BCL11B: variants seen among roughly 807,000 people sequenced by gnomAD.
The protein encoded by BCL11B is BCL11 transcription factor B, also known as B-cell lymphoma/leukemia 11B.
A neutral mutation model predicts 49.9 loss-of-function variants in BCL11B; 8 were observed. That is an observed-to-expected ratio of 0.16 (90% CI 0.09 to 0.29). The LOEUF (loss-of-function observed/expected upper bound fraction) is 0.29, where lower values mean the gene tolerates loss of function less well. Among genes scored for constraint, BCL11B ranks in the 10% least tolerant of loss-of-function variants. The pLI is 1.00. For missense variants in BCL11B, 1,006 were observed against 1,351.0 expected (o/e 0.74, Z 4.00); for synonymous variants, 739 against 637.4 (o/e 1.16, Z -2.40).
At chr14:99,221,288 G>A (rs986188356) in intron 3 of BCL11B, among the ~76,000 whole-genome samples, 2 of 152,168 alleles carry the variant, frequency 1.3e-5, no homozygotes, top group Non-Finnish European at 2.9e-5. Context: ...CGCACCCAGT[G>A]GGCCTTGCCC....
chr14:99,262,235 T>A lies in BCL11B; in HGVS notation c.59-4396A>T, dbSNP rs950026478. The stretch of plus-strand genomic sequence containing the variant: ...CAAGGACCCCGCCCTCCCTGGCCCA[T>A]CTCTAACAACTGCCCATGCACCTGC... On this transcript the variant is annotated intron_variant, in intron 1 of 3. Coordinates refer to ENST00000357195, the MANE Select transcript of BCL11B (RefSeq NM_138576.4). This position sits in a 1 kb window ranked among gnomAD's most constrained non-coding sequence, Gnocchi z 4.2. Among the ~76,000 whole-genome samples the A allele has an allele frequency of 2.0e-5, 3 of 152,114 alleles. No homozygotes were observed. Among genetic ancestry groups the A allele is most frequent in the Non-Finnish European group, 4.4e-5 (3 of 68,018 alleles).
chr14:99,269,591 C>T (rs1279984541), intron 1 of BCL11B, among the ~76,000 whole-genome samples: 1 of 150,586 alleles, frequency 6.6e-6, no homozygotes, highest in Non-Finnish European at 1.5e-5. Context: ...GGAGAGATGG[C>T]AACAGCAATT....
rs1018304779 is a variant in BCL11B, at chr14:99,172,053, T to C, written c.*2098A>G. ...TTAAGCAAACTTTGAAAAAAAAAGA[T>C]CGCTCCAACACACATACACACAATT... On this transcript the variant is annotated 3_prime_UTR_variant, in exon 4 of 4. Coordinates refer to ENST00000357195, the MANE Select transcript of BCL11B (RefSeq NM_138576.4). 9.3e-6 allele frequency: 2 copies of C among 215,598 alleles called. No homozygotes were observed. The highest frequency in any genetic ancestry group is 2.3e-5 in the African/African-American group (1 of 44,238). 13.4% of individuals were successfully genotyped at this position (215,598 alleles called of 1,614,324 possible).
At chr14:99,245,815 C>G (rs941874659) in intron 2 of BCL11B, among the ~76,000 whole-genome samples, 2 of 152,078 alleles carry the variant, frequency 1.3e-5, no homozygotes, top group African/African-American at 4.8e-5. Flanking sequence ...CAAAGGGGCC[C>G]GGGGCCGGCA....
At position 99,232,638 on chromosome 14, in the gene BCL11B, C is replaced by T. The variant is rs1002192002; in HGVS notation, c.428-1081G>A. ...AGGAGAGCCACAGGACCCTGCAAGCCACCAGGAGCCAGGAGCCTGTCAGTC... is the reference window on the plus strand; with the variant it reads ...AGGAGAGCCACAGGACCCTGCAAGCTACCAGGAGCCAGGAGCCTGTCAGTC... On this transcript the variant is annotated intron_variant, in intron 2 of 3. Coordinates refer to ENST00000357195, the MANE Select transcript of BCL11B (RefSeq NM_138576.4). The surrounding 1 kb of genome is among the most constrained non-coding windows in gnomAD (Gnocchi z 5.1). 6.6e-6 allele frequency among the ~76,000 whole-genome samples: 1 copy of T among 152,212 alleles called. No homozygotes were observed. Among genetic ancestry groups the T allele is most frequent in the Non-Finnish European group, 1.5e-5 (1 of 68,032 alleles).
At chr14:99,200,447 C>A (rs1887344908) in intron 3 of BCL11B, among the ~76,000 whole-genome samples, 1 of 152,256 alleles carries the variant, frequency 6.6e-6, no homozygotes, top group Non-Finnish European at 1.5e-5. Context: ...CAGGCACAGG[C>A]ACAGTTGGCC....
intron 2 of BCL11B, among the ~76,000 whole-genome samples, chr14:99,251,557 G>T (rs2139939837): frequency 6.6e-6 from 1 of 152,278 alleles, no homozygotes. Flanking sequence ...TAAAATAAAA[G>T]AAATAATCAT....
At position 99,199,696 on chromosome 14, in the gene BCL11B, G is replaced by GCGCGCA. The variant is rs1555378702; in HGVS notation, c.641-23502_641-23501insTGCGCG. Reference sequence around the variant, plus strand: ...TGTGTGTGTGTGTGCGCGCGCGCGCGCACGTGCACGTGTGTGCGTGTGTGC... The same window carrying GCGCGCA: ...TGTGTGTGTGTGTGCGCGCGCGCGCGCGCGCACACGTGCACGTGTGTGCGTGTGTGC... On this transcript the variant is annotated intron_variant, in intron 3 of 3. Coordinates refer to ENST00000357195, the MANE Select transcript of BCL11B (RefSeq NM_138576.4). 8.7e-4 allele frequency among the ~76,000 whole-genome samples: 68 copies of GCGCGCA among 77,940 alleles called. 1 individual carries two copies. Among genetic ancestry groups the GCGCGCA allele is most frequent in the Middle Eastern group, 6.9e-3 (1 of 144 alleles). The allele number at this position is 77,940 out of a possible 152,430, so 51.1% of individuals were successfully genotyped here.
intron 3 of BCL11B, among the ~76,000 whole-genome samples, chr14:99,208,336 C>T (rs17098399): frequency 0.041 from 6,227 of 152,214 alleles, 646 homozygotes; most frequent in East Asian, 0.33. Flanking sequence ...CCCTGAGCCC[C>T]AGATCCCAGG....
At chr14:99,258,516 C>T (rs1314017206) in intron 1 of BCL11B, among the ~76,000 whole-genome samples, 2 of 152,124 alleles carry the variant, frequency 1.3e-5, no homozygotes, top group Non-Finnish European at 2.9e-5. Flanking sequence ...CCCAGATGGG[C>T]GTCTAAGGGC....
rs192475469 is a variant in BCL11B at position 99,179,767 on chromosome 14, C to T, written c.641-3572G>A. ...AAAAATCACCCAGCCCTCAGAGGCC[C>T]GCCCTAGACAACTTTCTTTCCAGTC... is the stretch of plus-strand genomic sequence containing the variant. On this transcript the variant is annotated intron_variant, in intron 3 of 3. Coordinates refer to ENST00000357195, the MANE Select transcript of BCL11B (RefSeq NM_138576.4). Among the ~76,000 whole-genome samples, 174 of 152,222 alleles carry T rather than the reference C, an allele frequency of 1.1e-3. 1 individual carries two copies. The highest frequency in any genetic ancestry group is 4.0e-3 in the African/African-American group (165 of 41,540).
At chr14:99,176,324 G>A in intron 3 of BCL11B, 129 bp from the exon 4 acceptor site, 1 of 842,688 alleles carries the variant, frequency 1.2e-6, no homozygotes, top group Non-Finnish European at 1.8e-6. Context: ...CTGCCTGACA[G>A]GGGCTGCAGG....
rs142111618 is a variant in BCL11B, at chr14:99,227,654, G to A, written c.640+3691C>T. On this transcript the variant is annotated intron_variant, in intron 3 of 3. Transcript: ENST00000357195. The stretch of plus-strand genomic sequence containing the variant: ...TGTCTCAGAAAATAACACGAGCCTC[G>A]TTTTCAAATGTTGCATACATACACA... Among the ~76,000 whole-genome samples, 22 of 152,204 alleles carry A rather than the reference G, an allele frequency of 1.4e-4. No homozygotes were observed. In the East Asian group the frequency reaches 3.3e-3, roughly 23 times the overall value.
At chr14:99,254,890 A>G (rs534477260) in intron 2 of BCL11B, among the ~76,000 whole-genome samples, 44 of 152,356 alleles carry the variant, frequency 2.9e-4, no homozygotes, top group African/African-American at 1.1e-3. Flanking sequence ...TTTACAATAA[A>G]TAACTGAAAG....
At chr14:99,200,547 T>C (rs1381651020) in intron 3 of BCL11B, among the ~76,000 whole-genome samples, 1 of 152,054 alleles carries the variant, frequency 6.6e-6, no homozygotes, top group Non-Finnish European at 1.5e-5. Flanking sequence ...CTCAGAGAGG[T>C]GAGAAAATCT....
In BCL11B at chr14:99,241,681, T is replaced by A. The variant is rs1236791355; in HGVS notation, c.428-10124A>T. On this transcript the variant is annotated intron_variant, in intron 2 of 3. Transcript: ENST00000357195. This position sits in a 1 kb window ranked among gnomAD's most constrained non-coding sequence, Gnocchi z 4.4. ...GTGCTGTAGGGGGGACGATGTCGCT[T>A]TTTTCCCCCTTCCCTAAGTGCATTT... Among the ~76,000 whole-genome samples the A allele has an allele frequency of 6.6e-6, 1 of 151,922 alleles. No homozygotes were observed. The highest frequency in any genetic ancestry group is 1.5e-5 in the Non-Finnish European group (1 of 67,996).
In BCL11B at chr14:99,205,649, C is replaced by A. The variant is rs1887514212; in HGVS notation, c.640+25696G>T. On this transcript the variant is annotated intron_variant, in intron 3 of 3. Transcript: ENST00000357195. The surrounding 1 kb of genome is among the most constrained non-coding windows in gnomAD (Gnocchi z 5.0). Reference sequence around the variant, plus strand: ...ATTTGAAGCATCCGCCCCCCTACCCCCCAGCTTTGTGGAATGAGGTCAGGA... The same window carrying A: ...ATTTGAAGCATCCGCCCCCCTACCCACCAGCTTTGTGGAATGAGGTCAGGA... 6.6e-6 allele frequency among the ~76,000 whole-genome samples: 1 copy of A among 152,148 alleles called. No homozygotes were observed. The highest frequency in any genetic ancestry group is 1.5e-5 in the Non-Finnish European group (1 of 68,030).
Position 99,176,125 on chromosome 14 carries a change from C to T in BCL11B, c.711G>A (p.Leu237=), listed in dbSNP as rs1463520810. 1 of 1,611,704 alleles carries T rather than the reference C, an allele frequency of 6.2e-7. No homozygotes were observed. Among genetic ancestry groups the T allele is most frequent in the African/African-American group, 1.3e-5 (1 of 74,776 alleles). ...KQPFNSAWFL[L]QHAQNTHGFR... ...AGCCGTGCGTGTTCTGCGCGTGCTG[C>T]AGCAGGAACCACGCGCTGTTGAAGG... Residue 237 remains leucine, a synonymous_variant, in exon 4 of 4, where the codon CTG becomes CTA. Coordinates refer to ENST00000357195, the MANE Select transcript of BCL11B (RefSeq NM_138576.4).
At chr14:99,267,515 C>A (rs1889517453) in intron 1 of BCL11B, among the ~76,000 whole-genome samples, 1 of 146,302 alleles carries the variant, frequency 6.8e-6, no homozygotes, top group South Asian at 2.2e-4. Flanking sequence ...ATATGGGGTT[C>A]CCTTCTGTGC....
Sources: allele counts gnomAD v4.1 joint callset (sites outside exome capture counted in the v4.1 genomes callset), GRCh38; gene constraint gnomAD v4.1.1; non-coding constraint Gnocchi (gnomAD v3.1); transcripts MANE v1.5; gene names NCBI Gene and HGNC (gene_info 2026-07-23, HGNC 2026-07-21).